The following AQP7B variants were observed in gnomAD, a reference collection of about 807,000 sequenced individuals.
AQP7B encodes aquaporin 7B, also known as putative aquaporin-7B.
the AQP7B span, among the ~76,000 whole-genome samples, chr2:94,598,310 A>G: frequency 2.0e-5 from 3 of 152,236 alleles, no homozygotes; most frequent in African/African-American, 7.2e-5. Context: ...TATTGCAGCC[A>G]GGACGAGGGA....
At chr2:94,600,101 C>T in the AQP7B span, among the ~76,000 whole-genome samples, 433 of 152,026 alleles carry the variant, frequency 2.8e-3, 2 homozygotes, top group African/African-American at 9.8e-3. Context: ...AACTCCTGAC[C>T]TAAAGTGATC....
At chr2:94,595,036 C>G in the AQP7B span, among the ~76,000 whole-genome samples, 5 of 152,128 alleles carry the variant, frequency 3.3e-5, no homozygotes, top group Non-Finnish European at 5.9e-5. Context: ...CTCATCAAGT[C>G]TTTTTGGACA....
At chr2:94,602,092 T>C in the AQP7B span, among the ~76,000 whole-genome samples, 1 of 149,916 alleles carries the variant, frequency 6.7e-6, no homozygotes. Context: ...GTGGATGGAT[T>C]TGGAGGTCCC....
chr2:94,604,411 C>G, the AQP7B span: 5 of 1,611,448 alleles, frequency 3.1e-6, no homozygotes, highest in Non-Finnish European at 4.2e-6. Context: ...AATTGGAGGA[C>G]TCTGTGGCGT....
the AQP7B span, among the ~76,000 whole-genome samples, chr2:94,590,490 C>A: frequency 2.0e-3 from 304 of 152,202 alleles, 2 homozygotes; most frequent in African/African-American, 6.8e-3. Context: ...GCCTGGCCAA[C>A]AAATGTTTGT....
At chr2:94,601,255 G>C in the AQP7B span, among the ~76,000 whole-genome samples, 3 of 152,202 alleles carry the variant, frequency 2.0e-5, no homozygotes, top group African/African-American at 7.2e-5. Flanking sequence ...GAGAATAATA[G>C]TGCTTAACTA....
the AQP7B span, among the ~76,000 whole-genome samples, chr2:94,598,147 A>G: frequency 3.3e-5 from 5 of 152,324 alleles, no homozygotes; most frequent in Admixed American, 6.5e-5. Flanking sequence ...TGTGAGGTGT[A>G]AGCCTATATC....
At chr2:94,598,314 C>G in the AQP7B span, among the ~76,000 whole-genome samples, 1 of 152,042 alleles carries the variant, frequency 6.6e-6, no homozygotes, top group Admixed American at 6.5e-5. Flanking sequence ...GCAGCCAGGA[C>G]GAGGGAAGTG....
the AQP7B span, among the ~76,000 whole-genome samples, chr2:94,591,111 C>A: frequency 3.3e-5 from 5 of 151,778 alleles, no homozygotes; most frequent in Admixed American, 6.6e-5. Context: ...TAGTCTGTAC[C>A]CTCTCCTTGA....
the AQP7B span, among the ~76,000 whole-genome samples, chr2:94,588,076 G>T: frequency 6.6e-6 from 1 of 152,088 alleles, no homozygotes; most frequent in African/African-American, 2.4e-5. Flanking sequence ...GTGTGTGTGT[G>T]TGTGTGTGCA....
the AQP7B span, chr2:94,603,061 C>A: frequency 1.9e-6 from 3 of 1,597,350 alleles, no homozygotes; most frequent in Non-Finnish European, 1.7e-6. Context: ...GCAGCTGTGA[C>A]CTTCACTAAC....
the AQP7B span, chr2:94,603,333 A>C: frequency 6.4e-7 from 1 of 1,551,632 alleles, no homozygotes; most frequent in East Asian, 2.2e-5. Context: ...CTGGGACCCC[A>C]GTGGGGCTTA....
chr2:94,598,963 T>C, the AQP7B span, among the ~76,000 whole-genome samples: 47 of 152,098 alleles, frequency 3.1e-4, no homozygotes, highest in Non-Finnish European at 5.1e-4. Flanking sequence ...CCACCACACC[T>C]GGCTAATTTT....
the AQP7B span, chr2:94,603,958 TGA>T: frequency 2.6e-6 from 3 of 1,149,144 alleles, no homozygotes; most frequent in Non-Finnish European, 3.8e-6. Flanking sequence ...CCCATTCCTT[TGA>T]GTTTTTCTGT....
chr2:94,602,299 G>A, the AQP7B span, among the ~76,000 whole-genome samples: 1 of 151,912 alleles, frequency 6.6e-6, no homozygotes, highest in African/African-American at 2.4e-5. Flanking sequence ...AGGACTGAGA[G>A]GCCTCAGCAG....
At chr2:94,588,876 T>A in the AQP7B span, among the ~76,000 whole-genome samples, 1 of 151,934 alleles carries the variant, frequency 6.6e-6, no homozygotes, top group East Asian at 2.0e-4. Context: ...GTCCTTGCAA[T>A]GGCCAAGGCC....
chr2:94,593,993 A>C, the AQP7B span, among the ~76,000 whole-genome samples: 167 of 152,276 alleles, frequency 1.1e-3, 1 homozygote, highest in African/African-American at 3.7e-3. Flanking sequence ...CAGATTCCCC[A>C]GTTTTCACTC....
chr2:94,593,355 G>A, the AQP7B span, among the ~76,000 whole-genome samples: 134 of 152,128 alleles, frequency 8.8e-4, 2 homozygotes, highest in East Asian at 0.022. Context: ...AAGGCAGTAC[G>A]TGATGTGCAA....
the AQP7B span, among the ~76,000 whole-genome samples, chr2:94,592,939 T>C: frequency 7.1e-6 from 1 of 140,268 alleles, no homozygotes; most frequent in Non-Finnish European, 1.5e-5. Flanking sequence ...TCCTCTCACA[T>C]CAGCCTCCCC....
Sources: allele counts gnomAD v4.1 joint callset (sites outside exome capture counted in the v4.1 genomes callset), GRCh38; gene constraint gnomAD v4.1.1; transcripts MANE v1.5; gene names NCBI Gene and HGNC (gene_info 2026-07-23, HGNC 2026-07-21).